OPA1: variants seen among roughly 807,000 people sequenced by gnomAD.
OPA1 encodes the protein OPA1 mitochondrial dynamin like GTPase.
A neutral mutation model predicts 152.9 loss-of-function variants in OPA1; 59 were observed. That is an observed-to-expected ratio of 0.39 (90% CI 0.31 to 0.48). The LOEUF is 0.48. OPA1 is among the 20% of genes least tolerant of loss of function. OPA1 has a pLI of 0.96. For missense variants in OPA1, 1,008 were observed against 1,216.8 expected, an observed-to-expected ratio of 0.83 and a Z score of 2.55; for synonymous variants, 400 against 389.9, an observed-to-expected ratio of 1.03 and a Z score of -0.31.
intron 29 of OPA1, chr3:193,668,520 T>A (rs1232054432): frequency 1.5e-5 from 24 of 1,549,260 alleles, no homozygotes; most frequent in Non-Finnish European, 2.1e-5. Context: ...CCCGCTAGCC[T>A]CTGCCCGACC....
intron 1 of OPA1, among the ~76,000 whole-genome samples, chr3:193,597,885 T>G (rs919112484): frequency 6.6e-6 from 1 of 151,888 alleles, no homozygotes; most frequent in African/African-American, 2.4e-5. Flanking sequence ...GAGACCAGCC[T>G]AGGCAACATA....
intron 29 of OPA1, among the ~76,000 whole-genome samples, chr3:193,675,331 A>AC (rs1425209371): frequency 8.8e-6 from 1 of 113,564 alleles, no homozygotes; most frequent in Non-Finnish European, 1.9e-5. Context: ...TTTTAAGAAA[A>AC]AAAAAAAAAA....
intron 24 of OPA1, 24 bp from the exon 25 acceptor site, chr3:193,659,458 T>C (rs1714706359): frequency 6.4e-7 from 1 of 1,569,598 alleles, no homozygotes; most frequent in Admixed American, 1.7e-5. Context: ...ATAAAATTCT[T>C]GATTAATTAA....
At chr3:193,666,481 C>A in intron 28 of OPA1, 92 bp downstream of exon 28, 1 of 1,043,122 alleles carries the variant, frequency 9.6e-7, no homozygotes, top group Non-Finnish European at 1.5e-6. Context: ...AAATACTTCC[C>A]AAAAGTAGAT....
At chr3:193,605,998 G>C (rs1397544681) in intron 1 of OPA1, among the ~76,000 whole-genome samples, 1 of 152,104 alleles carries the variant, frequency 6.6e-6, no homozygotes, top group Non-Finnish European at 1.5e-5. Flanking sequence ...TCCTTTAAAG[G>C]TATTACGGGG....
intron 29 of OPA1, chr3:193,668,645 C>T: frequency 6.6e-7 from 1 of 1,509,360 alleles, no homozygotes; most frequent in Non-Finnish European, 8.9e-7. Flanking sequence ...CAGATACTCT[C>T]CTCAGTACTG....
rs191994548 is a variant in OPA1, at chr3:193,643,749, G to A, written c.1477+122G>A. 1,474 of 969,744 alleles carry A rather than the reference G, an allele frequency of 1.5e-3. 3 individuals carry two copies. Among genetic ancestry groups the A allele is most frequent in the Non-Finnish European group, 1.5e-3 (958 of 638,690 alleles). The allele number at this position is 969,744 out of a possible 1,614,324, so 60.1% of individuals were successfully genotyped here. A position where few individuals can be genotyped will look rare whatever the true frequency, so the allele number is the denominator to read the frequency against. ...ATAAATGCATTTTTGCCTTCTCTTCGTATTCATTTTATTAGTAAATTAAAT... is the reference window on the plus strand; with the variant it reads ...ATAAATGCATTTTTGCCTTCTCTTCATATTCATTTTATTAGTAAATTAAAT... On this transcript the variant is annotated intron_variant, in intron 15 of 30. Transcript: ENST00000361510.
chr3:193,668,551 C>T, intron 29 of OPA1: 1 of 1,547,464 alleles, frequency 6.5e-7, no homozygotes, highest in South Asian at 1.2e-5. Flanking sequence ...TCCTTCCTCA[C>T]CTGAAGCCAG....
chr3:193,660,294 T>A (rs1243966587), intron 25 of OPA1, among the ~76,000 whole-genome samples: 3 of 152,188 alleles, frequency 2.0e-5, no homozygotes, highest in Non-Finnish European at 4.4e-5. Context: ...GCATTCAGTC[T>A]TATACCACTG....
intron 29 of OPA1, chr3:193,668,852 T>G: frequency 9.3e-7 from 1 of 1,077,936 alleles, no homozygotes. Context: ...ATACTAAAAT[T>G]TACTTAGATC....
intron 8 of OPA1, among the ~76,000 whole-genome samples, chr3:193,633,170 G>C (rs1732378255): frequency 6.6e-6 from 1 of 152,128 alleles, no homozygotes; most frequent in South Asian, 2.1e-4. Flanking sequence ...AGAGTCATTG[G>C]TCACAAAGCA....
intron 7 of OPA1, among the ~76,000 whole-genome samples, chr3:193,630,222 C>G (rs1307564337): frequency 2.0e-5 from 3 of 152,034 alleles, no homozygotes; most frequent in Non-Finnish European, 4.4e-5. Flanking sequence ...CATAAACACA[C>G]ACAGTCAAAA....
intron 6 of OPA1, among the ~76,000 whole-genome samples, chr3:193,624,651 C>T (rs1395040387): frequency 6.6e-6 from 1 of 151,986 alleles, no homozygotes; most frequent in Non-Finnish European, 1.5e-5. Flanking sequence ...CTTTTTATAA[C>T]TATTTTATAC....
At chr3:193,618,197 G>C (rs1553872542) in intron 5 of OPA1, among the ~76,000 whole-genome samples, 1 of 151,948 alleles carries the variant, frequency 6.6e-6, no homozygotes, top group Admixed American at 6.6e-5. Context: ...TTTGTTTTCC[G>C]GCCGGGCGCG....
At chr3:193,609,488 A>G (rs949103797) in intron 1 of OPA1, among the ~76,000 whole-genome samples, 37 of 152,078 alleles carry the variant, frequency 2.4e-4, no homozygotes, top group African/African-American at 8.4e-4. Flanking sequence ...CTTCATTTCA[A>G]CTTTGGTGAA....
intron 30 of OPA1, among the ~76,000 whole-genome samples, chr3:193,693,975 G>T (rs1722009334): frequency 6.6e-6 from 1 of 152,118 alleles, no homozygotes; most frequent in African/African-American, 2.4e-5. Context: ...CCGTTAAAAA[G>T]ACAAGCTGTA....
Position 193,605,781 on chromosome 3 carries a change from TC to T in OPA1, c.33-8941del, listed in dbSNP as rs140339186. Reference sequence around the variant, plus strand: ...ATCACGTAGTAAAAAACTGTGTTTTTCTGAAAGGGGGCTCAGAGTTAATTGG... The same window carrying T: ...ATCACGTAGTAAAAAACTGTGTTTTTTGAAAGGGGGCTCAGAGTTAATTGG... On this transcript the variant is annotated intron_variant, in intron 1 of 30. Transcript: ENST00000361510. Among the ~76,000 whole-genome samples, 1,106 of 152,338 alleles carry T rather than the reference TC, an allele frequency of 7.3e-3. 9 individuals are homozygous for T. The highest frequency in any genetic ancestry group is 0.021 in the African/African-American group (893 of 41,570).
Position 193,604,021 on chromosome 3 carries a change from C to T in OPA1, c.32+10612C>T, listed in dbSNP as rs556146329. ...ATGTTAGTCTACTCACTGAAAAATG[C>T]TGGGTTTGATTGGAATTTAATAGAC... On this transcript the variant is annotated intron_variant, in intron 1 of 30. Coordinates refer to ENST00000361510, the MANE Select transcript of OPA1 (RefSeq NM_130837.3). 2.0e-5 allele frequency among the ~76,000 whole-genome samples: 3 copies of T among 152,252 alleles called. No homozygotes were observed. In the East Asian group the frequency reaches 5.8e-4, roughly 29 times the overall value.
intron 30 of OPA1, among the ~76,000 whole-genome samples, chr3:193,694,202 A>G (rs1009566368): frequency 6.6e-6 from 1 of 152,200 alleles, no homozygotes. Context: ...TACCCTGCAG[A>G]TGCATTTAAA....
Sources: allele counts gnomAD v4.1 joint callset (sites outside exome capture counted in the v4.1 genomes callset), GRCh38; gene constraint gnomAD v4.1.1; transcripts MANE v1.5; gene names NCBI Gene and HGNC (gene_info 2026-07-23, HGNC 2026-07-21).